The following RALYL variants were observed in gnomAD, a reference collection of about 807,000 sequenced individuals.
RALYL encodes the protein RNA-binding Raly-like protein.
RALYL carries 29 observed loss-of-function variants against 35.1 expected under a neutral mutation model. The observed-to-expected ratio is 0.83, with a 90% CI of 0.61 to 1.13. RALYL has a LOEUF of 1.13. RALYL is among the 50% of genes most tolerant of loss of function. The probability of loss-of-function intolerance (pLI) is 0.00; values close to 1 mark genes in which losing one functional copy is unlikely to be tolerated. For missense variants in RALYL, 359 were observed against 360.4 expected, an observed-to-expected ratio of 1.00 and a Z score of 0.03; for synonymous variants, 120 against 127.6, an observed-to-expected ratio of 0.94 and a Z score of 0.40.
rs961411628 is a variant in RALYL, at chr8:84,650,871, A to C, written c.256+121294A>C. 5.3e-5 allele frequency among the ~76,000 whole-genome samples: 8 copies of C among 152,068 alleles called. No individual in the cohort carries two copies. The South Asian group carries it at 8.3e-4, about 16-fold the overall frequency. On this transcript the variant is annotated intron_variant, in intron 2 of 8. Transcript: ENST00000521268. ...GATTAAGAAAATGTGGCACATATAC[A>C]CCATGGAATACTATGCAGCCATAAA...
intron 1 of RALYL, among the ~76,000 whole-genome samples, chr8:84,290,512 G>A (rs947893903): frequency 1.3e-5 from 2 of 151,666 alleles, no homozygotes; most frequent in African/African-American, 4.9e-5. Context: ...GGGTCACAAG[G>A]TGCTCAGTGG....
chr8:84,362,956 T>A (rs1327890091), intron 1 of RALYL, among the ~76,000 whole-genome samples: 3 of 151,956 alleles, frequency 2.0e-5, no homozygotes, highest in Admixed American at 2.0e-4. Context: ...GGGAAATAAG[T>A]GTCTGAAAGG....
intron 2 of RALYL, among the ~76,000 whole-genome samples, chr8:84,710,645 T>C (rs940749328): frequency 2.0e-5 from 3 of 152,132 alleles, no homozygotes; most frequent in Non-Finnish European, 4.4e-5. Context: ...CTATATTCTG[T>C]CTTATATATA....
chr8:84,552,713 C>A (rs374022685), intron 2 of RALYL, among the ~76,000 whole-genome samples: 3 of 151,470 alleles, frequency 2.0e-5, no homozygotes, highest in Non-Finnish European at 2.9e-5. Flanking sequence ...CCTAATTAGA[C>A]CCCTTTTTTT....
chr8:84,850,078 C>T, intron 5 of RALYL, 51 bp downstream of exon 5: 20 of 1,059,340 alleles, frequency 1.9e-5, no homozygotes, highest in Non-Finnish European at 2.7e-5. Context: ...TATCTTTTAA[C>T]CATTTTGTAC....
chr8:84,473,003 T>A (rs2052963312), intron 1 of RALYL, among the ~76,000 whole-genome samples: 1 of 152,140 alleles, frequency 6.6e-6, no homozygotes, highest in Non-Finnish European at 1.5e-5. Context: ...ACTCTGTCAC[T>A]CAAAAGTGGT....
chr8:84,479,333 A>G (rs2053816652), intron 1 of RALYL, among the ~76,000 whole-genome samples: 1 of 152,024 alleles, frequency 6.6e-6, no homozygotes, highest in Non-Finnish European at 1.5e-5. Flanking sequence ...TCTTCCTTTC[A>G]TAGACATTGT....
chr8:84,243,504 T>TG (rs1828441807), intron 1 of RALYL, among the ~76,000 whole-genome samples: 1 of 147,796 alleles, frequency 6.8e-6, no homozygotes, highest in Non-Finnish European at 1.5e-5. Context: ...TCTCACACTT[T>TG]TTTTTTTTTT....
chr8:84,660,330 T>C (rs1830673040), intron 2 of RALYL, among the ~76,000 whole-genome samples: 1 of 152,088 alleles, frequency 6.6e-6, no homozygotes. Flanking sequence ...ATCAGTTCTT[T>C]CACATAACCA....
intron 2 of RALYL, among the ~76,000 whole-genome samples, chr8:84,599,452 A>C (rs1269263863): frequency 6.6e-6 from 1 of 152,040 alleles, no homozygotes; most frequent in Admixed American, 6.6e-5. Flanking sequence ...GTAAGTCAAA[A>C]AACAATATAA....
chr8:84,393,498 T>C (rs745589782), intron 1 of RALYL, among the ~76,000 whole-genome samples: 5 of 152,008 alleles, frequency 3.3e-5, no homozygotes, highest in Non-Finnish European at 7.4e-5. Flanking sequence ...CTATGTACTG[T>C]TGCTTAGAAG....
At chr8:84,401,848 CT>C (rs2131988537) in intron 1 of RALYL, among the ~76,000 whole-genome samples, 1 of 149,730 alleles carries the variant, frequency 6.7e-6, no homozygotes, top group East Asian at 2.0e-4. Context: ...CTGATAAGGA[CT>C]TTAATTTCTG....
chr8:84,409,527 G>T (rs1213171619), intron 1 of RALYL, among the ~76,000 whole-genome samples: 2 of 151,982 alleles, frequency 1.3e-5, no homozygotes, highest in Non-Finnish European at 2.9e-5. Context: ...CTATCATAGA[G>T]CTCATTTAAT....
chr8:84,702,625 T>C (rs1011086901), intron 2 of RALYL, among the ~76,000 whole-genome samples: 3 of 151,980 alleles, frequency 2.0e-5, no homozygotes, highest in African/African-American at 7.2e-5. Context: ...CTCTCCCCTC[T>C]TTCTTCCTTT....
At chr8:84,403,849 T>C (rs908501305) in intron 1 of RALYL, among the ~76,000 whole-genome samples, 1 of 152,142 alleles carries the variant, frequency 6.6e-6, no homozygotes, top group Non-Finnish European at 1.5e-5. Flanking sequence ...TCATCTCTTA[T>C]TTCCTTGAGC....
chr8:84,228,405 A>AG (rs35341197), intron 1 of RALYL, among the ~76,000 whole-genome samples: 41,248 of 152,004 alleles, frequency 0.27, 5,819 homozygotes, highest in Middle Eastern at 0.33. Flanking sequence ...TAGGTATCTG[A>AG]GGTAGTACTA....
intron 2 of RALYL, among the ~76,000 whole-genome samples, chr8:84,773,704 C>G (rs1191507047): frequency 6.6e-6 from 1 of 152,164 alleles, no homozygotes; most frequent in African/African-American, 2.4e-5. Flanking sequence ...ACTACATATT[C>G]CAGTTGCTGA....
At chr8:84,232,407 AATAAAATGATAATGAGATATCAT>A (rs529693013) in intron 1 of RALYL, among the ~76,000 whole-genome samples, 346 of 151,968 alleles carry the variant, frequency 2.3e-3, no homozygotes, top group African/African-American at 8.2e-3. Flanking sequence ...AAAAAGTAGA[AATAAAATGATAATGAGATATCAT>A]TTTAGCCTAT....
chr8:84,788,396 C>T (rs1586263918), intron 3 of RALYL, among the ~76,000 whole-genome samples: 2 of 152,080 alleles, frequency 1.3e-5, no homozygotes, highest in South Asian at 4.1e-4. Flanking sequence ...TTTCTTATAA[C>T]TTTAATACAT....
Sources: allele counts gnomAD v4.1 joint callset (sites outside exome capture counted in the v4.1 genomes callset), GRCh38; gene constraint gnomAD v4.1.1; transcripts MANE v1.5; gene names NCBI Gene and HGNC (gene_info 2026-07-23, HGNC 2026-07-21).